The following GULP1 variants were observed in gnomAD, a reference collection of about 807,000 sequenced individuals.
GULP1 encodes the protein GULP PTB domain containing engulfment adaptor 1, also known as PTB domain-containing engulfment adapter protein 1.
Under a neutral mutation model 40.9 loss-of-function variants are expected in GULP1, and 19 were observed. The ratio of observed to expected loss-of-function variants is 0.46; its 90% CI spans 0.32 to 0.68. GULP1 has a LOEUF of 0.68. Ranked by LOEUF, GULP1 falls within the 30% of genes least tolerant of loss-of-function variation. The pLI, the probability that GULP1 is intolerant of heterozygous loss-of-function variation, is 0.03. For synonymous variants in GULP1, 119 were observed against 117.6 expected (o/e 1.01, Z -0.08); for missense variants, 312 against 362.2 (o/e 0.86, Z 1.12).
chr2:188,494,934 C>T (rs1424928361), intron 4 of GULP1, among the ~76,000 whole-genome samples: 3 of 151,984 alleles, frequency 2.0e-5, no homozygotes, highest in Non-Finnish European at 4.4e-5. Flanking sequence ...GCTTGTTCCT[C>T]CTGGAAGACT....
chr2:188,508,887 A>AT (rs5837092), intron 4 of GULP1, among the ~76,000 whole-genome samples: 131,362 of 151,496 alleles, frequency 0.87, 58,922 homozygotes, highest in South Asian at 0.99. Flanking sequence ...TACCCACACA[A>AT]TTTTTTTTCC....
chr2:188,553,970 G>A (rs1694139018), intron 7 of GULP1, among the ~76,000 whole-genome samples: 1 of 151,830 alleles, frequency 6.6e-6, no homozygotes, highest in Non-Finnish European at 1.5e-5. Flanking sequence ...AGTCTTTGGG[G>A]ATCTTTGTAT....
intron 2 of GULP1, among the ~76,000 whole-genome samples, chr2:188,454,883 G>A (rs1458731785): frequency 6.6e-6 from 1 of 152,132 alleles, no homozygotes; most frequent in East Asian, 1.9e-4. Context: ...CAGCGCTTTG[G>A]GAGGCGGACA....
At chr2:188,308,929 C>T (rs185200990) in intron 1 of GULP1, among the ~76,000 whole-genome samples, 108 of 152,236 alleles carry the variant, frequency 7.1e-4, no homozygotes, top group Non-Finnish European at 1.3e-3. Flanking sequence ...TGTGTGTTCC[C>T]TCCCTTAGCC....
At chr2:188,317,153 A>C (rs931567972) in intron 1 of GULP1, among the ~76,000 whole-genome samples, 1 of 152,166 alleles carries the variant, frequency 6.6e-6, no homozygotes, top group African/African-American at 2.4e-5. Flanking sequence ...AGCCCTGCAC[A>C]ATCTGGCCTC....
chr2:188,590,811 G>A (rs907956646), intron 11 of GULP1: 2 of 152,150 alleles, frequency 1.3e-5, no homozygotes, highest in African/African-American at 4.8e-5. Flanking sequence ...GCAAGTTCAT[G>A]AATGATGAAA....
intron 1 of GULP1, among the ~76,000 whole-genome samples, chr2:188,307,216 A>T (rs6705869): frequency 0.022 from 3,420 of 152,280 alleles, 139 homozygotes; most frequent in African/African-American, 0.078. Context: ...TGATTAACAA[A>T]TATGATATTT....
At chr2:188,395,134 C>T (rs2051055888) in intron 2 of GULP1, among the ~76,000 whole-genome samples, 1 of 152,090 alleles carries the variant, frequency 6.6e-6, no homozygotes, top group Middle Eastern at 3.2e-3. Context: ...TGGAGAAACT[C>T]TCAGTGCAAC....
intron 1 of GULP1, among the ~76,000 whole-genome samples, chr2:188,335,988 T>C (rs946042032): frequency 6.6e-6 from 1 of 152,228 alleles, no homozygotes; most frequent in Non-Finnish European, 1.5e-5. Context: ...GATATCATTG[T>C]TCATAAATTA....
At chr2:188,426,403 T>G (rs1330438257) in intron 2 of GULP1, among the ~76,000 whole-genome samples, 1 of 152,074 alleles carries the variant, frequency 6.6e-6, no homozygotes, top group Non-Finnish European at 1.5e-5. Flanking sequence ...TATCGGGACC[T>G]TAAAAGGTGT....
intron 6 of GULP1, among the ~76,000 whole-genome samples, chr2:188,539,667 T>C (rs1475030446): frequency 6.6e-6 from 1 of 152,138 alleles, no homozygotes; most frequent in Non-Finnish European, 1.5e-5. Flanking sequence ...AAGCAACTCT[T>C]CGATGGCTTA....
chr2:188,486,079 G>A (rs2061837931), intron 4 of GULP1, among the ~76,000 whole-genome samples: 1 of 152,108 alleles, frequency 6.6e-6, no homozygotes, highest in Admixed American at 6.6e-5. Flanking sequence ...AGGTTAAAAA[G>A]GCAAATTGGG....
intron 2 of GULP1, among the ~76,000 whole-genome samples, chr2:188,402,709 C>G (rs1457466283): frequency 6.6e-6 from 1 of 151,922 alleles, no homozygotes; most frequent in Non-Finnish European, 1.5e-5. Context: ...TATCTATCTG[C>G]TTAATAGGCC....
At chr2:188,486,267 T>C (rs2061854211) in intron 4 of GULP1, among the ~76,000 whole-genome samples, 1 of 152,134 alleles carries the variant, frequency 6.6e-6, no homozygotes, top group Non-Finnish European at 1.5e-5. Flanking sequence ...TACCATAGGG[T>C]AGTAGATAAA....
intron 7 of GULP1, chr2:188,541,790 A>C (rs1025628615): frequency 8.5e-5 from 15 of 176,984 alleles, no homozygotes; most frequent in Non-Finnish European, 1.7e-4. Context: ...CAATACACTG[A>C]AAATTTAGTT....
At chr2:188,513,644 A>C (rs1205862112) in intron 4 of GULP1, among the ~76,000 whole-genome samples, 2 of 152,148 alleles carry the variant, frequency 1.3e-5, no homozygotes, top group Non-Finnish European at 2.9e-5. Flanking sequence ...ACATATATTA[A>C]TATTAAAATT....
intron 10 of GULP1, among the ~76,000 whole-genome samples, chr2:188,585,888 C>T (rs1173228044): frequency 1.3e-5 from 2 of 152,178 alleles, no homozygotes; most frequent in African/African-American, 4.8e-5. Flanking sequence ...AATGGGTTTT[C>T]TTTTTCTACC....
At chr2:188,462,084 G>A (rs1054262509) in intron 2 of GULP1, among the ~76,000 whole-genome samples, 5 of 151,610 alleles carry the variant, frequency 3.3e-5, no homozygotes, top group Admixed American at 6.6e-5. Flanking sequence ...TTCCCTCTTC[G>A]TACTGCTTTT....
chr2:188,484,927 C>G (rs1024200517), intron 4 of GULP1, among the ~76,000 whole-genome samples: 1 of 151,894 alleles, frequency 6.6e-6, no homozygotes, highest in African/African-American at 2.4e-5. Flanking sequence ...GGCTGATTGC[C>G]CTAATTTAGC....
Sources: gnomAD v4.1 joint callset for allele counts (sites outside exome capture counted in the v4.1 genomes callset) on GRCh38, gnomAD v4.1.1 for gene constraint, MANE v1.5 for transcripts, NCBI Gene and HGNC (gene_info 2026-07-23, HGNC 2026-07-21) for gene names.